CACNA1S: variants seen among roughly 807,000 people sequenced by gnomAD.
CACNA1S encodes calcium voltage-gated channel subunit alpha1 S, also known as voltage-dependent L-type calcium channel subunit alpha-1S.
In CACNA1S, 126 loss-of-function variants were observed where a neutral mutation model predicts 207.4. That is an observed-to-expected ratio of 0.61 (90% CI 0.53 to 0.70). The LOEUF (loss-of-function observed/expected upper bound fraction) is 0.70, where lower values mean the gene tolerates loss of function less well. Among genes scored for constraint, CACNA1S ranks in the 30% least tolerant of loss-of-function variants. CACNA1S has a pLI of 0.00. For synonymous variants in CACNA1S, 960 were observed against 932.7 expected (o/e 1.03, Z -0.53); for missense variants, 2,349 against 2,422.8 (o/e 0.97, Z 0.64).
At chr1:201,093,116 G>A (rs142021080) in intron 3 of CACNA1S, among the ~76,000 whole-genome samples, 2 of 152,350 alleles carry the variant, frequency 1.3e-5, no homozygotes, top group African/African-American at 4.8e-5. Flanking sequence ...TCATGGTAAT[G>A]CTATGGGTAG....
At chr1:201,087,601 C>T (rs921557603) in intron 7 of CACNA1S, among the ~76,000 whole-genome samples, 10 of 151,972 alleles carry the variant, frequency 6.6e-5, no homozygotes, top group Admixed American at 1.3e-4. Flanking sequence ...AGGAAGGAAG[C>T]GCTCTTGGCC....
chr1:201,083,373 C>G lies in CACNA1S; in HGVS notation c.1233-51G>C, dbSNP rs1259416015. The G allele has an allele frequency of 4.4e-6, 7 of 1,595,092 alleles. No homozygotes were observed. The East Asian group carries it at 1.6e-4, about 36-fold the overall frequency. ...TACAGTGCTGTGCTGTTCTACGCCC[C>G]ACCTGTCCAAGCTACCTTCAGACAA... is the stretch of plus-strand genomic sequence containing the variant. On this transcript the variant is annotated intron_variant, in intron 9 of 43. Coordinates refer to ENST00000362061, the MANE Select transcript of CACNA1S (RefSeq NM_000069.3).
rs570618060 is a variant in CACNA1S at position 201,048,140 on chromosome 1, A to G, written c.4441+442T>C. Among the ~76,000 whole-genome samples, 4 of 152,242 alleles carry G rather than the reference A, an allele frequency of 2.6e-5. No homozygotes were observed. In the East Asian group the frequency reaches 7.7e-4, roughly 29 times the overall value. On this transcript the variant is annotated intron_variant, in intron 36 of 43. Coordinates refer to ENST00000362061, the MANE Select transcript of CACNA1S (RefSeq NM_000069.3). ...AGCCCTGAGCAAGGGCTCAGAGACA[A>G]TACTGAGACCCCACCCTGACTCCTT...
At chr1:201,086,532 C>T (rs1193796017) in intron 7 of CACNA1S, among the ~76,000 whole-genome samples, 5 of 152,142 alleles carry the variant, frequency 3.3e-5, no homozygotes, top group African/African-American at 9.7e-5. Flanking sequence ...ACCTGGACAG[C>T]GTGTTACCAT....
intron 13 of CACNA1S, 23 bp from the exon 14 acceptor site, chr1:201,074,643 C>T (rs758303432): frequency 4.0e-6 from 6 of 1,516,858 alleles, no homozygotes; most frequent in Non-Finnish European, 4.6e-6. Context: ...AGCTAAGGAG[C>T]CTTTGGTTGT....
chr1:201,089,586 T>C, intron 5 of CACNA1S, 123 bp from the exon 6 acceptor site: 2 of 940,458 alleles, frequency 2.1e-6, no homozygotes. Context: ...CTGCTGAAAA[T>C]GCAAAAGACA....
chr1:201,089,243 C>A lies in CACNA1S; in HGVS notation c.900+15G>T. On this transcript the variant is annotated intron_variant, in intron 6 of 43. Transcript: ENST00000362061. ...ATGAAGGGAGATGGTTCTGCAGGCG[C>A]GGGCCCAGACCCACCCAGTAAAGGA... is the stretch of plus-strand genomic sequence containing the variant. The A allele has an allele frequency of 1.2e-6, 2 of 1,613,158 alleles. No homozygotes were observed. The highest frequency in any genetic ancestry group is 1.7e-6 in the Non-Finnish European group (2 of 1,179,108).
At chr1:201,058,641 C>T in intron 27 of CACNA1S, 150 bp from the exon 28 acceptor site, 1 of 691,036 alleles carries the variant, frequency 1.4e-6, no homozygotes, top group South Asian at 1.6e-5. Flanking sequence ...CCCACTGGTG[C>T]TCCAGTGGGC....
chr1:201,076,435 C>G lies in CACNA1S; in HGVS notation c.1827+485G>C, dbSNP rs534136504. 6.6e-5 allele frequency among the ~76,000 whole-genome samples: 10 copies of G among 152,364 alleles called. No homozygotes were observed. In the East Asian group the frequency reaches 1.5e-3, roughly 23 times the overall value. ...AAAACTCCTCCAGGAGGCCAGGGAC[C>G]CTGAAAGCTTCTCACTGGGCCACAG... On this transcript the variant is annotated intron_variant, in intron 12 of 43. Coordinates refer to ENST00000362061, the MANE Select transcript of CACNA1S (RefSeq NM_000069.3).
intron 10 of CACNA1S, among the ~76,000 whole-genome samples, chr1:201,078,849 G>A (rs149798399): frequency 2.6e-5 from 4 of 152,122 alleles, no homozygotes; most frequent in East Asian, 1.9e-4. Flanking sequence ...TAGGCCGAGC[G>A]CAGTGACTCA....
chr1:201,074,747 G>T, intron 13 of CACNA1S, 127 bp from the exon 14 acceptor site: 1 of 724,446 alleles, frequency 1.4e-6, no homozygotes, highest in Non-Finnish European at 2.5e-6. Flanking sequence ...GGGAAGGTGT[G>T]GATCCAGGGA....
rs780307562 is a variant in CACNA1S, at chr1:201,093,966, A to C, written c.314T>G (p.Ile105Ser). The C allele has an allele frequency of 6.2e-7, 1 of 1,614,184 alleles. No individual in the cohort carries two copies. The highest frequency in any genetic ancestry group is 1.3e-5 in the African/African-American group (1 of 75,052). ...IVFSIEAAMKIIAYGFLFHQD... is the reference protein window; with the variant it reads ...IVFSIEAAMKSIAYGFLFHQD... ...GTGGAATAAGAAGCCGTAGGCAATG[A>C]TCTTCATGGCGGCTTCAATCGAGAA... Residue 105 changes from isoleucine to serine, a missense_variant, in exon 3 of 44, where the codon ATC becomes AGC. Transcript: ENST00000362061.
intron 28 of CACNA1S, 100 bp from the exon 29 acceptor site, chr1:201,054,661 C>T: frequency 1.2e-6 from 1 of 822,352 alleles, no homozygotes; most frequent in Non-Finnish European, 1.8e-6. Context: ...GACAGACACA[C>T]AGAAGAGTTA....
At chr1:201,044,970 G>A (rs909237562) in intron 38 of CACNA1S, among the ~76,000 whole-genome samples, 2 of 152,290 alleles carry the variant, frequency 1.3e-5, no homozygotes, top group South Asian at 2.1e-4. Context: ...CACCTTAATT[G>A]TTCCAATTGA....
chr1:201,041,283 C>T (rs1007054061), intron 41 of CACNA1S, among the ~76,000 whole-genome samples: 2 of 152,134 alleles, frequency 1.3e-5, no homozygotes, highest in Admixed American at 6.6e-5. Flanking sequence ...GGGCTTTCCC[C>T]CTTCCACCTC....
chr1:201,104,000 GCCC>G (rs1662787150), intron 2 of CACNA1S, among the ~76,000 whole-genome samples: 1 of 152,162 alleles, frequency 6.6e-6, no homozygotes, highest in Non-Finnish European at 1.5e-5. Flanking sequence ...GCCCTGCCCT[GCCC>G]TGCCCTGCCC....
At chr1:201,073,508 G>T in intron 15 of CACNA1S, 41 bp downstream of exon 15, 1 of 1,465,598 alleles carries the variant, frequency 6.8e-7, no homozygotes, top group Non-Finnish European at 9.6e-7. Context: ...GATTGGAAGA[G>T]CCCCTAGACT....
intron 1 of CACNA1S, among the ~76,000 whole-genome samples, chr1:201,111,382 C>T: frequency 6.6e-6 from 1 of 152,158 alleles, no homozygotes; most frequent in East Asian, 1.9e-4. Flanking sequence ...ACAGCCCTCC[C>T]CTTCTCTCTG....
chr1:201,053,073 C>T lies in CACNA1S; in HGVS notation c.3861+136G>A, dbSNP rs1660710496. 51 of 1,025,194 alleles carry T rather than the reference C, an allele frequency of 5.0e-5. No homozygotes were observed. In the South Asian group the frequency reaches 6.5e-4, roughly 13 times the overall value. 63.5% of individuals were successfully genotyped at this position (1,025,194 alleles called of 1,614,324 possible). On this transcript the variant is annotated intron_variant, in intron 31 of 43. Transcript: ENST00000362061. The surrounding 1 kb of genome is among the most constrained non-coding windows in gnomAD (Gnocchi z 5.1). ...CCATCCACGATCAGGGAGGTTGTCC[C>T]TCCTTCTTTCTCACGAGCAAGGCAG...
Sources: gnomAD v4.1 joint callset for allele counts (sites outside exome capture counted in the v4.1 genomes callset) on GRCh38, gnomAD v4.1.1 for gene constraint, Gnocchi (gnomAD v3.1) non-coding constraint, MANE v1.5 for transcripts, NCBI Gene and HGNC (gene_info 2026-07-23, HGNC 2026-07-21) for gene names.